Variants in TMPRSS13 observed in about 807,000 individuals in gnomAD.
TMPRSS13 encodes transmembrane protease serine 13.
In TMPRSS13, 50 loss-of-function variants were observed where a neutral mutation model predicts 68.4. The ratio of observed to expected loss-of-function variants is 0.73; its 90% CI spans 0.58 to 0.93. The LOEUF is 0.93. TMPRSS13 is among the 40% of genes least tolerant of loss of function. The pLI is 0.00. For synonymous variants in TMPRSS13, 267 were observed against 285.8 expected, an observed-to-expected ratio of 0.93 and a Z score of 0.66; for missense variants, 615 against 729.2, an observed-to-expected ratio of 0.84 and a Z score of 1.80.
intron 1 of TMPRSS13, among the ~76,000 whole-genome samples, chr11:117,923,626 A>G (rs2057668828): frequency 6.6e-6 from 1 of 152,112 alleles, no homozygotes; most frequent in Admixed American, 6.5e-5. Flanking sequence ...CTCTCCCGCA[A>G]TTGAACAATG....
chr11:117,902,278 A>G lies in TMPRSS13; in HGVS notation c.1678-13T>C. ...ATCGCACCTCGCTCTGAGGAAGAGA[A>G]TGGGAGAAGAGGGTGAGGGTGGGCC... is the stretch of plus-strand genomic sequence containing the variant. On this transcript the variant is annotated splice_polypyrimidine_tract_variant and intron_variant, in intron 12 of 12. Transcript: ENST00000524993. 4 of 1,613,414 alleles carry G rather than the reference A, an allele frequency of 2.5e-6. No individual in the cohort carries two copies. The East Asian group carries it at 6.7e-5, about 27-fold the overall frequency.
Position 117,902,122 on chromosome 11 carries a change from A to G in TMPRSS13, c.*117T>C. On this transcript the variant is annotated 3_prime_UTR_variant, in exon 13 of 13. Coordinates refer to ENST00000524993, the MANE Select transcript of TMPRSS13 (RefSeq NM_001077263.3). ...CACACACAGAGGCAGCAGACAGTGG[A>G]GGTGGGAGTCCGATGGTGCCCGGTG... The G allele has an allele frequency of 1.9e-6, 2 of 1,040,272 alleles. No individual in the cohort carries two copies. The highest frequency in any genetic ancestry group is 1.5e-6 in the Non-Finnish European group (1 of 687,034). The allele number at this position is 1,040,272 out of a possible 1,614,324, so 64.4% of individuals were successfully genotyped here. A position where few individuals can be genotyped will look rare whatever the true frequency, so the allele number is the denominator to read the frequency against.
rs1450417219 is a variant in TMPRSS13 at position 117,903,798 on chromosome 11, C to T, written c.1534G>A (p.Gly512Arg). 15 of 1,610,220 alleles carry T rather than the reference C, an allele frequency of 9.3e-6. No homozygotes were observed. Among genetic ancestry groups the T allele is most frequent in the African/African-American group, 4.0e-5 (3 of 74,896 alleles). ...GGRDSCQGDSGGPLVCEQNNR... is the reference protein window; with the variant it reads ...GGRDSCQGDSRGPLVCEQNNR... ...TTCTGCTCACAGACAAGAGGCCCCC[C>T]GCTGTCTCCCTGCAGGGGAGAGGGG... Residue 512 changes from glycine to arginine, a missense_variant, in exon 12 of 13, where the codon GGG becomes AGG. Physicochemically the swap from Gly to Arg is moderately radical, Grantham distance 125. Transcript: ENST00000524993.
chr11:117,903,993 G>C lies in TMPRSS13; in HGVS notation c.1490C>G (p.Ala497Gly), dbSNP rs1210035423. Residue 497 changes from alanine (A) to glycine (G), a missense_variant, in exon 11 of 13, where the codon GCT becomes GGT. Coordinates refer to ENST00000524993, the MANE Select transcript of TMPRSS13 (RefSeq NM_001077263.3). ...DSYLTPRMMC[A>G]GDLRGGRDSC... Reference sequence around the variant, plus strand: ...GTCTCTGCCCCCACGAAGGTCCCCAGCACACATCATCCTTGGGGTAAGGTA... The same window carrying C: ...GTCTCTGCCCCCACGAAGGTCCCCACCACACATCATCCTTGGGGTAAGGTA... 2.5e-6 allele frequency: 4 copies of C among 1,613,136 alleles called. No individual in the cohort carries two copies. Among genetic ancestry groups the C allele is most frequent in the Non-Finnish European group, 3.4e-6 (4 of 1,179,594 alleles).
rs940148452 is a variant in TMPRSS13 at position 117,915,294 on chromosome 11, C to T, written c.557-780G>A. Among the ~76,000 whole-genome samples, 1 of 152,202 alleles carries T rather than the reference C, an allele frequency of 6.6e-6. No individual in the cohort carries two copies. The highest frequency in any genetic ancestry group is 1.5e-5 in the Non-Finnish European group (1 of 68,034). On this transcript the variant is annotated intron_variant, in intron 3 of 12. Transcript: ENST00000524993. The surrounding 1 kb of genome is among the most constrained non-coding windows in gnomAD (Gnocchi z 4.9). ...GAGGCACCTCCCCTTGGCTGCCTCA[C>T]AGACCCGGGTTCTAACTTCTCACCC...
At chr11:117,924,119 A>G (rs1475895568) in intron 1 of TMPRSS13, among the ~76,000 whole-genome samples, 1 of 145,128 alleles carries the variant, frequency 6.9e-6, no homozygotes, top group Non-Finnish European at 1.5e-5. Flanking sequence ...TGAGGTGGGA[A>G]AATGGCTTGA....
chr11:117,918,506 T>C lies in TMPRSS13; in HGVS notation c.354A>G (p.Arg118=), dbSNP rs1361965711. 4 of 1,613,994 alleles carry C rather than the reference T, an allele frequency of 2.5e-6. No individual in the cohort carries two copies. Among genetic ancestry groups the C allele is most frequent in the African/African-American group, 2.7e-5 (2 of 74,900 alleles). Residue 118 remains arginine, a synonymous_variant, in exon 2 of 13, where the codon AGA becomes AGG. Coordinates refer to ENST00000524993, the MANE Select transcript of TMPRSS13 (RefSeq NM_001077263.3). ...RSASVTTSPT[R]VYLVRATPVG... ...CTGGTGTTGCTCTAACAAGGTACAC[T>C]CTGGTTGGGGAGGTTGTCACCGAGG...
At chr11:117,916,024 G>A (rs545371447) in intron 3 of TMPRSS13, among the ~76,000 whole-genome samples, 2 of 152,318 alleles carry the variant, frequency 1.3e-5, no homozygotes, top group South Asian at 4.1e-4. Context: ...CAGGGTCTGT[G>A]TGGCACTAAA....
chr11:117,918,090 C>T (rs1175952333), intron 2 of TMPRSS13, among the ~76,000 whole-genome samples: 1 of 152,122 alleles, frequency 6.6e-6, no homozygotes, highest in African/African-American at 2.4e-5. Flanking sequence ...AAGGAGAGAA[C>T]CCTGTGACTA....
At chr11:117,911,133 A>G (rs1284270333) in intron 6 of TMPRSS13, among the ~76,000 whole-genome samples, 1 of 152,220 alleles carries the variant, frequency 6.6e-6, no homozygotes, top group Non-Finnish European at 1.5e-5. Flanking sequence ...ACCACGCAGC[A>G]CAGAGCTGGC....
Position 117,914,240 on chromosome 11 carries a change from C to CACAT in TMPRSS13, c.679+148_679+151dup, listed in dbSNP as rs1187094720. On this transcript the variant is annotated intron_variant, in intron 4 of 12. Coordinates refer to ENST00000524993, the MANE Select transcript of TMPRSS13 (RefSeq NM_001077263.3). The surrounding 1 kb of genome is among the most constrained non-coding windows in gnomAD (Gnocchi z 4.2). ...ATGCACACACACATACGTGCACACACACATACATGCATACACACAAACATG... is the reference window on the plus strand; with the variant it reads ...ATGCACACACACATACGTGCACACACACATACATACATGCATACACACAAACATG... 1.9e-6 allele frequency: 2 copies of CACAT among 1,071,488 alleles called. No individual in the cohort carries two copies. Among genetic ancestry groups the CACAT allele is most frequent in the East Asian group, 2.5e-5 (1 of 40,668 alleles). The allele number at this position is 1,071,488 out of a possible 1,614,324, so 66.4% of individuals were successfully genotyped here.
At chr11:117,919,027 G>A (rs1216188659) in intron 1 of TMPRSS13, among the ~76,000 whole-genome samples, 189 bp from the exon 2 acceptor site, 1 of 152,162 alleles carries the variant, frequency 6.6e-6, no homozygotes, top group Non-Finnish European at 1.5e-5. Flanking sequence ...AGAACCTGCT[G>A]TCCCCCAGCT....
At chr11:117,903,262 G>A (rs1349517182) in intron 12 of TMPRSS13, 1 of 1,280,808 alleles carries the variant, frequency 7.8e-7, no homozygotes, top group Non-Finnish European at 1.0e-6. Context: ...ACAGAGCTGG[G>A]AAAGGCCATG....
chr11:117,902,334 T>TG, intron 12 of TMPRSS13, 69 bp from the exon 13 acceptor site: 5 of 1,579,570 alleles, frequency 3.2e-6, no homozygotes. Context: ...AGCCCAAGGT[T>TG]GGGGTTCAGA....
intron 1 of TMPRSS13, among the ~76,000 whole-genome samples, chr11:117,919,372 A>G (rs2057620063): frequency 6.6e-6 from 1 of 152,248 alleles, no homozygotes; most frequent in South Asian, 2.1e-4. Flanking sequence ...TGACCTGCCA[A>G]CTGAAGGGGC....
intron 3 of TMPRSS13, among the ~76,000 whole-genome samples, chr11:117,916,081 A>G (rs993886612): frequency 5.9e-5 from 9 of 152,292 alleles, no homozygotes; most frequent in Admixed American, 5.2e-4. Context: ...CCCCTTCAGC[A>G]GCCCTGCCAG....
In TMPRSS13 at chr11:117,905,707, G is replaced by A. The variant is rs1291444392; in HGVS notation, c.1312C>T (p.His438Tyr). ...TCATTGAGGCTAAAGGTCTGTCCAT[G>A]CATGGGGAGGCAAGCAGGGTGGATG... ...AHIHPACLPM[H>Y]GQTFSLNETC... The change falls in exon 10 of 13, where the codon CAT becomes TAT. Residue 438 changes from histidine to tyrosine, a missense_variant. His to Tyr is a moderately conservative substitution (Grantham distance 83). Transcript: ENST00000524993. The A allele has an allele frequency of 6.2e-7, 1 of 1,604,020 alleles. No homozygotes were observed. Among genetic ancestry groups the A allele is most frequent in the Admixed American group, 1.7e-5 (1 of 59,130 alleles).
chr11:117,908,019 C>T (rs571536459), intron 9 of TMPRSS13: 1 of 994,196 alleles, frequency 1.0e-6, no homozygotes, highest in African/African-American at 1.7e-5. Context: ...AACGTTGTAG[C>T]AATTAGTTGT....
intron 3 of TMPRSS13, among the ~76,000 whole-genome samples, chr11:117,916,438 C>G (rs929701445): frequency 3.9e-5 from 6 of 152,272 alleles, no homozygotes; most frequent in African/African-American, 1.4e-4. Context: ...CAGCTGTCAT[C>G]CCCTCCTCAT....
Sources: allele counts gnomAD v4.1 joint callset (sites outside exome capture counted in the v4.1 genomes callset), GRCh38; gene constraint gnomAD v4.1.1; non-coding constraint Gnocchi (gnomAD v3.1); transcripts MANE v1.5; gene names NCBI Gene and HGNC (gene_info 2026-07-23, HGNC 2026-07-21).